SYT3: variants seen among roughly 807,000 people sequenced by gnomAD.
SYT3 encodes the protein synaptotagmin-3.
SYT3 carries 25 observed loss-of-function variants against 50.6 expected under a neutral mutation model. The ratio of observed to expected loss-of-function variants is 0.49; its 90% confidence interval spans 0.36 to 0.69. The LOEUF is 0.69. Among genes scored for constraint, SYT3 ranks in the 30% least tolerant of loss-of-function variants. The pLI is 0.00. For synonymous variants in SYT3, 323 were observed against 353.9 expected, an observed-to-expected ratio of 0.91 and a Z score of 0.98; for missense variants, 589 against 793.6, an observed-to-expected ratio of 0.74 and a Z score of 3.10.
chr19:50,651,225 TG>T, the SYT3 span, among the ~76,000 whole-genome samples: 1 of 152,324 alleles, frequency 6.6e-6, no homozygotes, highest in Non-Finnish European at 1.5e-5. Flanking sequence ...TCTTTAGTCT[TG>T]GGGCTCAAGG....
At chr19:50,626,117 T>C in intron 6 of SYT3, 100 bp from the exon 7 acceptor site, 1 of 1,477,836 alleles carries the variant, frequency 6.8e-7, no homozygotes, top group Non-Finnish European at 9.0e-7. Context: ...CACCCTGACA[T>C]CCAGGGCTCA....
intron 2 of SYT3, among the ~76,000 whole-genome samples, chr19:50,638,537 G>C (rs1984567926): frequency 6.6e-6 from 1 of 152,096 alleles, no homozygotes; most frequent in East Asian, 1.9e-4. Flanking sequence ...GAGGTGAACA[G>C]GCAGGCAGAA....
chr19:50,627,130 G>T (rs1984100670), intron 6 of SYT3, among the ~76,000 whole-genome samples: 1 of 152,206 alleles, frequency 6.6e-6, no homozygotes, highest in African/African-American at 2.4e-5. Context: ...TGGGAGCTTT[G>T]ACCAACCTGG....
chr19:50,633,552 A>G (rs10404260), intron 3 of SYT3, among the ~76,000 whole-genome samples: 19,197 of 152,226 alleles, frequency 0.13, 1,629 homozygotes, highest in African/African-American at 0.21. Context: ...CAGGGTTTAA[A>G]TCACGCTTGC....
At chr19:50,651,489 T>C in the SYT3 span, among the ~76,000 whole-genome samples, 1 of 152,170 alleles carries the variant, frequency 6.6e-6, no homozygotes, top group Non-Finnish European at 1.5e-5. Context: ...TATCTGAGAG[T>C]TCTGAAAGGG....
chr19:50,655,390 C>T, the SYT3 span, among the ~76,000 whole-genome samples: 1 of 152,108 alleles, frequency 6.6e-6, no homozygotes, highest in South Asian at 2.1e-4. Context: ...GTGGCTTATG[C>T]CTGTAATCCC....
upstream of SYT3, among the ~76,000 whole-genome samples, chr19:50,641,369 G>T (rs932165704): frequency 6.7e-6 from 1 of 149,806 alleles, no homozygotes; most frequent in African/African-American, 2.5e-5. Flanking sequence ...TTTTAGTAAA[G>T]ACGGGGTTTC....
At chr19:50,648,181 C>G in the SYT3 span, among the ~76,000 whole-genome samples, 1 of 152,000 alleles carries the variant, frequency 6.6e-6, no homozygotes, top group Non-Finnish European at 1.5e-5. Context: ...GTGGTAGCAC[C>G]GAGAGCTCCA....
intron 4 of SYT3, among the ~76,000 whole-genome samples, chr19:50,630,800 A>C (rs1984274792): frequency 6.6e-6 from 1 of 152,034 alleles, no homozygotes; most frequent in African/African-American, 2.4e-5. Flanking sequence ...TTTGGACCTC[A>C]AGCTGGTGAC....
intron 3 of SYT3, among the ~76,000 whole-genome samples, chr19:50,634,407 G>A (rs1285097329): frequency 6.6e-6 from 1 of 152,046 alleles, no homozygotes; most frequent in Non-Finnish European, 1.5e-5. Context: ...AAGCTACAGT[G>A]GTGTGTGACA....
intron 4 of SYT3, among the ~76,000 whole-genome samples, chr19:50,630,707 G>A (rs1415690170): frequency 2.0e-5 from 3 of 152,198 alleles, no homozygotes; most frequent in Admixed American, 2.0e-4. Flanking sequence ...ACAGGTGTGA[G>A]CCACCACACC....
chr19:50,627,108 G>A (rs1371388648), intron 6 of SYT3, among the ~76,000 whole-genome samples: 3 of 152,164 alleles, frequency 2.0e-5, no homozygotes, highest in Non-Finnish European at 2.9e-5. Flanking sequence ...CTGGAGCCAC[G>A]CTGGAGCTAG....
In SYT3 at chr19:50,637,206, C is replaced by T. The variant is rs995964874; in HGVS notation, c.148+58G>A. The T allele has an allele frequency of 2.7e-5, 43 of 1,586,234 alleles. No homozygotes were observed. The highest frequency in any genetic ancestry group is 2.5e-4 in the South Asian group (22 of 89,636). ...AATGGAAAGCTGAGCAGTTCTGCTCCGAGTCTCCTGGCCATAGTGCAAGCA... is the reference window on the plus strand; with the variant it reads ...AATGGAAAGCTGAGCAGTTCTGCTCTGAGTCTCCTGGCCATAGTGCAAGCA... On this transcript the variant is annotated intron_variant, in intron 3 of 10. Transcript: ENST00000600079. The surrounding 1 kb of genome is among the most constrained non-coding windows in gnomAD (Gnocchi z 4.9).
the SYT3 span, among the ~76,000 whole-genome samples, chr19:50,653,923 A>G: frequency 1.3e-5 from 2 of 151,868 alleles, no homozygotes; most frequent in Non-Finnish European, 2.9e-5. Flanking sequence ...AGATGGAGCT[A>G]ATGCTGGGGT....
chr19:50,634,114 C>G (rs1270909224), intron 3 of SYT3, among the ~76,000 whole-genome samples: 1 of 152,242 alleles, frequency 6.6e-6, no homozygotes, highest in Non-Finnish European at 1.5e-5. Flanking sequence ...CAGAATTGTT[C>G]TTACAATCAA....
At position 50,625,219 on chromosome 19, in the gene SYT3, C is replaced by G; in HGVS notation, c.1650G>C (p.Trp550Cys). 2 of 1,596,882 alleles carry G rather than the reference C, an allele frequency of 1.3e-6. No individual in the cohort carries two copies. Among genetic ancestry groups the G allele is most frequent in the Non-Finnish European group, 1.7e-6 (2 of 1,175,556 alleles). ...DAADPHGREH[W>C]AEMLANPRKP... ...TGCGGGGATTGGCCAGCATCTCTGC[C>G]CAGTGCTCGCGGCCGTGCGGGTCGG... The change falls in exon 9 of 11, where the codon TGG (tryptophan) becomes TGC (cysteine). Residue 550 changes from tryptophan (W) to cysteine (C), a missense_variant. Coordinates refer to ENST00000600079, the MANE Select transcript of SYT3 (RefSeq NM_001160329.2). This position sits in a 1 kb window ranked among gnomAD's most constrained non-coding sequence, Gnocchi z 7.5.
upstream of SYT3, among the ~76,000 whole-genome samples, chr19:50,642,672 A>T (rs1357553895): frequency 6.6e-6 from 1 of 152,140 alleles, no homozygotes; most frequent in Admixed American, 6.5e-5. Context: ...CGTCTCTACT[A>T]AAAATACAAA....
chr19:50,651,637 T>C, the SYT3 span, among the ~76,000 whole-genome samples: 1 of 151,882 alleles, frequency 6.6e-6, no homozygotes, highest in Admixed American at 6.6e-5. Context: ...CAGGAGTTCC[T>C]GGCTGCAGTG....
At chr19:50,656,079 G>A in the SYT3 span, 2 of 1,536,162 alleles carry the variant, frequency 1.3e-6, no homozygotes, top group Non-Finnish European at 1.7e-6. Context: ...GGAGACCCCA[G>A]AGGAGATGCA....
Sources: gnomAD v4.1 joint callset for allele counts (sites outside exome capture counted in the v4.1 genomes callset) on GRCh38, gnomAD v4.1.1 for gene constraint, Gnocchi (gnomAD v3.1) non-coding constraint, MANE v1.5 for transcripts, NCBI Gene and HGNC (gene_info 2026-07-23, HGNC 2026-07-21) for gene names.